The following TRIB2 variants were observed in gnomAD, a reference collection of about 807,000 sequenced individuals.
The protein encoded by TRIB2 is tribbles pseudokinase 2.
In TRIB2, 2 loss-of-function variants were observed where a neutral mutation model predicts 26.8. The ratio of observed to expected loss-of-function variants is 0.07; its 90% CI spans 0.03 to 0.24. The LOEUF (loss-of-function observed/expected upper bound fraction) is 0.24, where lower values mean the gene tolerates loss of function less well. TRIB2 is among the 10% of genes least tolerant of loss of function. The pLI, the probability that TRIB2 is intolerant of heterozygous loss-of-function variation, is 1.00. For missense variants in TRIB2, 306 were observed against 449.0 expected (o/e 0.68, Z 2.88); for synonymous variants, 189 against 187.3 (o/e 1.01, Z -0.08).
chr2:12,725,948 T>G (rs1446250999), intron 2 of TRIB2, among the ~76,000 whole-genome samples: 1 of 152,156 alleles, frequency 6.6e-6, no homozygotes, highest in African/African-American at 2.4e-5. Flanking sequence ...ATCTGATCAG[T>G]GAGGTTACTT....
intron 2 of TRIB2, among the ~76,000 whole-genome samples, chr2:12,736,356 C>T (rs1236515759): frequency 4.6e-5 from 7 of 151,998 alleles, no homozygotes; most frequent in South Asian, 2.1e-4. Context: ...GTCCCTTGCA[C>T]GAAAAGCTTG....
chr2:12,719,412 A>G (rs1037837482), intron 1 of TRIB2, among the ~76,000 whole-genome samples: 37 of 152,156 alleles, frequency 2.4e-4, no homozygotes, highest in African/African-American at 8.7e-4. Flanking sequence ...TGGTTTATGT[A>G]TATGTGTGTC....
chr2:12,737,899 T>C (rs1033041078), intron 2 of TRIB2, among the ~76,000 whole-genome samples: 4 of 152,188 alleles, frequency 2.6e-5, no homozygotes, highest in Non-Finnish European at 5.9e-5. Context: ...TCTTTAGGTC[T>C]GAAAAACAGA....
At position 12,718,526 on chromosome 2, in the gene TRIB2, C is replaced by G; in HGVS notation, c.219C>G (p.Asp73Glu). 1.2e-6 allele frequency: 2 copies of G among 1,614,140 alleles called. No homozygotes were observed. The highest frequency in any genetic ancestry group is 8.5e-7 in the Non-Finnish European group (1 of 1,180,020). Residue 73 changes from aspartate (D) to glutamate (E), a missense_variant, in exon 1 of 3, where the codon GAC becomes GAG. This residue lies in a region of TRIB2 where 99 missense variants were observed against 106.5 expected (regional missense o/e 0.93). Transcript: ENST00000155926. The surrounding 1 kb of genome is among the most constrained non-coding windows in gnomAD (Gnocchi z 4.0). ...KYLLLEPLEG[D>E]HVFRAVHLHS... is the part of the protein sequence containing the mutation. ...TATTGTTGGAACCTCTGGAGGGAGA[C>G]CACGTTTTTCGTGCCGTGCATCTGC...
intron 2 of TRIB2, among the ~76,000 whole-genome samples, chr2:12,738,066 G>A (rs916441597): frequency 1.3e-5 from 2 of 152,186 alleles, no homozygotes; most frequent in Non-Finnish European, 2.9e-5. Flanking sequence ...CACTCCTTGA[G>A]CTTTGAACTC....
rs1282340753 is a variant in TRIB2, at chr2:12,742,585, CT to C, written c.*1792del. ...TGTCAAGAAGGACCTTTTTTTTCCC[CT>C]CTCCCCTATTTTTTAAGTACCTTGG... is the stretch of plus-strand genomic sequence containing the variant. On this transcript the variant is annotated 3_prime_UTR_variant, in exon 3 of 3. Coordinates refer to ENST00000155926, the MANE Select transcript of TRIB2 (RefSeq NM_021643.4). The C allele has an allele frequency of 2.0e-5, 3 of 151,426 alleles. No homozygotes were observed. Among genetic ancestry groups the C allele is most frequent in the East Asian group, 1.9e-4 (1 of 5,172 alleles). The allele number at this position is 151,426 out of a possible 1,614,324, so 9.4% of individuals were successfully genotyped here.
intron 2 of TRIB2, among the ~76,000 whole-genome samples, chr2:12,735,620 G>A (rs530253025): frequency 6.6e-6 from 1 of 152,302 alleles, no homozygotes; most frequent in Admixed American, 6.5e-5. Flanking sequence ...AAACTTTAAA[G>A]AGACTATATG....
chr2:12,728,309 T>TACCTA (rs11269382), intron 2 of TRIB2, among the ~76,000 whole-genome samples: 56 of 152,134 alleles, frequency 3.7e-4, no homozygotes, highest in African/African-American at 7.0e-4. Context: ...CGGGAGCTCC[T>TACCTA]GCTGATGGAA....
chr2:12,736,341 C>T (rs1033238202), intron 2 of TRIB2, among the ~76,000 whole-genome samples: 4 of 151,942 alleles, frequency 2.6e-5, no homozygotes, highest in Non-Finnish European at 2.9e-5. Flanking sequence ...GGGAGATGGT[C>T]GAGAGTCCCT....
chr2:12,717,190 A>G lies in TRIB2; in HGVS notation c.-1118A>G. 1 of 395,290 alleles carries G rather than the reference A, an allele frequency of 2.5e-6. No homozygotes were observed. The highest frequency in any genetic ancestry group is 3.6e-5 in the East Asian group (1 of 27,882). 24.5% of individuals were successfully genotyped at this position (395,290 alleles called of 1,614,324 possible). On this transcript the variant is annotated 5_prime_UTR_variant, in exon 1 of 3. Coordinates refer to ENST00000155926, the MANE Select transcript of TRIB2 (RefSeq NM_021643.4). This position sits in a 1 kb window ranked among gnomAD's most constrained non-coding sequence, Gnocchi z 4.8. ...CAAGCCGTCAATTTTCTCCAAAACA[A>G]ACCCCACCGGGCAATTTGGTCTCGG...
At chr2:12,736,438 C>T (rs1461063368) in intron 2 of TRIB2, among the ~76,000 whole-genome samples, 2 of 150,858 alleles carry the variant, frequency 1.3e-5, no homozygotes, top group Non-Finnish European at 3.0e-5. Context: ...TATCTCCCTC[C>T]CACCTTTACT....
intron 2 of TRIB2, among the ~76,000 whole-genome samples, chr2:12,727,835 CTG>C (rs1315212167): frequency 6.6e-6 from 1 of 152,018 alleles, no homozygotes; most frequent in African/African-American, 2.4e-5. Context: ...CTCAGACAGT[CTG>C]TGTGTAGTAG....
chr2:12,717,580 C>G lies in TRIB2; in HGVS notation c.-728C>G. 1 of 398,054 alleles carries G rather than the reference C, an allele frequency of 2.5e-6. No homozygotes were observed. Among genetic ancestry groups the G allele is most frequent in the Non-Finnish European group, 4.4e-6 (1 of 225,784 alleles). The allele number at this position is 398,054 out of a possible 1,614,324, so 24.7% of individuals were successfully genotyped here. ...TCTTTTGTTGGCAGCGCTGACCGCA[C>G]CAAGTTAAATGCTCCCTTGCAATTT... On this transcript the variant is annotated 5_prime_UTR_variant, in exon 1 of 3. Transcript: ENST00000155926. The surrounding 1 kb of genome is among the most constrained non-coding windows in gnomAD (Gnocchi z 4.8).
intron 2 of TRIB2, chr2:12,737,557 T>G (rs1661609118): frequency 6.5e-6 from 1 of 154,614 alleles, no homozygotes; most frequent in African/African-American, 2.4e-5. Flanking sequence ...CAAAAGAGAT[T>G]TGTTTTTAAT....
rs555943449 is a variant in TRIB2 at position 12,731,663 on chromosome 2, C to T, written c.563+8111C>T. Reference sequence around the variant, plus strand: ...AGCCAAGTGCAGGACCCAGGTTTTTCGACTTGATCTCATTCATTACGTGCC... The same window carrying T: ...AGCCAAGTGCAGGACCCAGGTTTTTTGACTTGATCTCATTCATTACGTGCC... On this transcript the variant is annotated intron_variant, in intron 2 of 2. Coordinates refer to ENST00000155926, the MANE Select transcript of TRIB2 (RefSeq NM_021643.4). Among the ~76,000 whole-genome samples, 12 of 152,184 alleles carry T rather than the reference C, an allele frequency of 7.9e-5. No individual in the cohort carries two copies. The East Asian group carries it at 1.9e-3, about 24-fold the overall frequency.
chr2:12,731,742 C>T (rs950212423), intron 2 of TRIB2, among the ~76,000 whole-genome samples: 2 of 152,232 alleles, frequency 1.3e-5, no homozygotes, highest in Non-Finnish European at 2.9e-5. Flanking sequence ...TGCAGCGTCC[C>T]TGTCTGGCCC....
Position 12,741,137 on chromosome 2 carries a change from G to A in TRIB2, c.*343G>A. The A allele has an allele frequency of 4.3e-6, 1 of 233,660 alleles. No individual in the cohort carries two copies. The highest frequency in any genetic ancestry group is 8.4e-6 in the Non-Finnish European group (1 of 118,794). 14.5% of individuals were successfully genotyped at this position (233,660 alleles called of 1,614,324 possible). On this transcript the variant is annotated 3_prime_UTR_variant, in exon 3 of 3. Coordinates refer to ENST00000155926, the MANE Select transcript of TRIB2 (RefSeq NM_021643.4). ...GATCCTGACAGAATCAAAACTCTCTGCCTCAAACACACATCCTGGCATCGC... is the reference window on the plus strand; with the variant it reads ...GATCCTGACAGAATCAAAACTCTCTACCTCAAACACACATCCTGGCATCGC...
intron 2 of TRIB2, among the ~76,000 whole-genome samples, chr2:12,737,796 G>A (rs558366826): frequency 6.6e-6 from 1 of 152,306 alleles, no homozygotes. Context: ...TGCCAATGAA[G>A]TACACTTAAA....
chr2:12,718,647 G>A lies in TRIB2; in HGVS notation c.270+70G>A. The A allele has an allele frequency of 1.3e-6, 2 of 1,546,588 alleles. No homozygotes were observed. Among genetic ancestry groups the A allele is most frequent in the South Asian group, 2.4e-5 (2 of 84,704 alleles). Reference sequence around the variant, plus strand: ...GGGAGCGGGAGGGCGCCAGGCCCTCGAGTCTGGGAGAGGGAGATTCGCGGG... The same window carrying A: ...GGGAGCGGGAGGGCGCCAGGCCCTCAAGTCTGGGAGAGGGAGATTCGCGGG... On this transcript the variant is annotated intron_variant, in intron 1 of 2. Coordinates refer to ENST00000155926, the MANE Select transcript of TRIB2 (RefSeq NM_021643.4). This position sits in a 1 kb window ranked among gnomAD's most constrained non-coding sequence, Gnocchi z 4.0.
Sources: allele counts gnomAD v4.1 joint callset (sites outside exome capture counted in the v4.1 genomes callset), GRCh38; gene constraint gnomAD v4.1.1; regional missense constraint gnomAD v4.1.1; non-coding constraint Gnocchi (gnomAD v3.1); transcripts MANE v1.5; gene names NCBI Gene and HGNC (gene_info 2026-07-23, HGNC 2026-07-21).